NTM: variants seen among roughly 807,000 people sequenced by gnomAD.
NTM encodes IgLON family member 2.
A neutral mutation model predicts 42.1 loss-of-function variants in NTM; 13 were observed. The observed-to-expected ratio is 0.31, with a 90% CI of 0.20 to 0.49. NTM has a LOEUF of 0.49. Ranked by LOEUF, NTM falls within the 20% of genes least tolerant of loss-of-function variation. The probability of loss-of-function intolerance (pLI) is 0.99; values close to 1 mark genes in which losing one functional copy is unlikely to be tolerated. For synonymous variants in NTM, 187 were observed against 179.2 expected, an observed-to-expected ratio of 1.04 and a Z score of -0.35; for missense variants, 373 against 452.8, an observed-to-expected ratio of 0.82 and a Z score of 1.60.
At chr11:131,515,788 G>A (rs928722581) in intron 1 of NTM, among the ~76,000 whole-genome samples, 4 of 152,140 alleles carry the variant, frequency 2.6e-5, no homozygotes, top group Admixed American at 6.5e-5. Flanking sequence ...AATGAGAAAC[G>A]TTTCAGGGAG....
intron 1 of NTM, among the ~76,000 whole-genome samples, chr11:131,899,997 C>CATTGTGTTAGGTTTCAGGA (rs2052899054): frequency 1.3e-5 from 2 of 152,172 alleles, no homozygotes; most frequent in African/African-American, 4.8e-5. Flanking sequence ...ATGTTCCAGG[C>CATTGTGTTAGGTTTCAGGA]ATTGTGTTAG....
At chr11:131,420,095 T>C (rs114375578) in intron 1 of NTM, among the ~76,000 whole-genome samples, 1,626 of 152,312 alleles carry the variant, frequency 0.011, 23 homozygotes, top group African/African-American at 0.037. Context: ...AGGGACCATT[T>C]GTCCCTAAGG....
intron 4 of NTM, among the ~76,000 whole-genome samples, chr11:132,280,416 AC>A (rs910750465): frequency 7.1e-6 from 1 of 141,648 alleles, no homozygotes; most frequent in African/African-American, 2.7e-5. Flanking sequence ...TAGTCTCAGC[AC>A]CCTCCGAGTC....
At chr11:132,016,282 A>G (rs1268833678) in intron 2 of NTM, among the ~76,000 whole-genome samples, 5 of 151,950 alleles carry the variant, frequency 3.3e-5, no homozygotes, top group Non-Finnish European at 7.4e-5. Flanking sequence ...GCATCACCAC[A>G]ACCCAGCTTA....
chr11:131,704,945 T>C (rs1252599080), intron 1 of NTM, among the ~76,000 whole-genome samples: 1 of 151,950 alleles, frequency 6.6e-6, no homozygotes, highest in Non-Finnish European at 1.5e-5. Flanking sequence ...GAAAAAAAGA[T>C]TGAGAAACAG....
intron 1 of NTM, among the ~76,000 whole-genome samples, chr11:131,858,120 T>G (rs1488870711): frequency 6.6e-6 from 1 of 152,182 alleles, no homozygotes; most frequent in Non-Finnish European, 1.5e-5. Flanking sequence ...ATAAGTTGTT[T>G]TGTGATTTCT....
intron 1 of NTM, among the ~76,000 whole-genome samples, chr11:131,874,553 C>T (rs192023564): frequency 8.5e-5 from 13 of 152,170 alleles, no homozygotes; most frequent in Admixed American, 8.5e-4. Flanking sequence ...CTTACAGGCC[C>T]CAGTTTTGAG....
chr11:131,882,290 G>A (rs920017939), intron 1 of NTM, among the ~76,000 whole-genome samples: 2 of 152,172 alleles, frequency 1.3e-5, no homozygotes, highest in Non-Finnish European at 2.9e-5. Context: ...ATGGGCCAAC[G>A]GGGAAGAGCT....
At chr11:132,041,200 T>G (rs1037573192) in intron 2 of NTM, among the ~76,000 whole-genome samples, 33 of 117,998 alleles carry the variant, frequency 2.8e-4, no homozygotes, top group Non-Finnish European at 5.9e-4. Context: ...TGTGTGTGGG[T>G]GTGTGTGTGT....
chr11:131,598,961 T>C (rs1055437832), intron 1 of NTM, among the ~76,000 whole-genome samples: 6 of 147,894 alleles, frequency 4.1e-5, no homozygotes, highest in African/African-American at 1.5e-4. Context: ...GTCACCCAGG[T>C]AGAGTGCAAT....
chr11:131,770,726 A>T (rs932149140), intron 1 of NTM: 1 of 152,102 alleles, frequency 6.6e-6, no homozygotes, highest in African/African-American at 2.4e-5. Context: ...TCTCTCTCCC[A>T]GTTGGGAACA....
chr11:131,684,837 CA>C (rs1455249026), intron 1 of NTM, among the ~76,000 whole-genome samples: 2 of 152,232 alleles, frequency 1.3e-5, no homozygotes, highest in Admixed American at 1.3e-4. Flanking sequence ...CTGTGTAGGA[CA>C]ACGACACTCC....
chr11:132,314,863 GAGAGGGAC>G (rs943821750), intron 7 of NTM, 160 bp downstream of exon 7: 133 of 1,373,196 alleles, frequency 9.7e-5, no homozygotes, highest in Admixed American at 5.6e-4. Flanking sequence ...GAAATGGAGA[GAGAGGGAC>G]AGAGAGACAG....
chr11:131,934,334 A>T (rs948718898), intron 2 of NTM, among the ~76,000 whole-genome samples: 1 of 152,216 alleles, frequency 6.6e-6, no homozygotes, highest in Non-Finnish European at 1.5e-5. Context: ...CTCTGCAGTC[A>T]GCTGAGAAGT....
At chr11:131,378,466 C>T (rs1942249294) in intron 1 of NTM, among the ~76,000 whole-genome samples, 1 of 152,192 alleles carries the variant, frequency 6.6e-6, no homozygotes, top group South Asian at 2.1e-4. Context: ...GACGAATGAA[C>T]AGAGTCAGAA....
chr11:131,460,068 C>T (rs536599289), intron 1 of NTM, among the ~76,000 whole-genome samples: 7 of 152,180 alleles, frequency 4.6e-5, no homozygotes, highest in South Asian at 4.2e-4. Flanking sequence ...TGTAATTTCC[C>T]GAAAAGTTGA....
intron 1 of NTM, among the ~76,000 whole-genome samples, chr11:131,479,407 G>A (rs1158237079): frequency 6.6e-6 from 1 of 152,140 alleles, no homozygotes; most frequent in East Asian, 1.9e-4. Flanking sequence ...AGAGCAGCTG[G>A]GATTCATCAC....
In NTM at chr11:131,818,863, G is replaced by A. The variant is rs193120551; in HGVS notation, c.83-92701G>A. ...CTAGATACACATCTTTGATCTCCCCGCAGAGATGCAGTACACGGAAAAGGA... is the reference window on the plus strand; with the variant it reads ...CTAGATACACATCTTTGATCTCCCCACAGAGATGCAGTACACGGAAAAGGA... On this transcript the variant is annotated intron_variant, in intron 1 of 8. Coordinates refer to ENST00000683400, the MANE Select transcript of NTM (RefSeq NM_001352005.2). Among the ~76,000 whole-genome samples the A allele has an allele frequency of 3.3e-5, 5 of 152,114 alleles. No homozygotes were observed. The East Asian group carries it at 7.7e-4, about 24-fold the overall frequency.
intron 3 of NTM, among the ~76,000 whole-genome samples, chr11:132,183,891 C>T (rs1211253791): frequency 6.6e-6 from 1 of 151,846 alleles, no homozygotes; most frequent in East Asian, 2.0e-4. Flanking sequence ...GGCTCTTTGT[C>T]TTAATGGTGA....
Sources: allele counts gnomAD v4.1 joint callset (sites outside exome capture counted in the v4.1 genomes callset), GRCh38; gene constraint gnomAD v4.1.1; transcripts MANE v1.5; gene names NCBI Gene and HGNC (gene_info 2026-07-23, HGNC 2026-07-21).